CRACD: variants seen among roughly 807,000 people sequenced by gnomAD.
CRACD encodes capping protein inhibiting regulator of actin dynamics, also known as capping protein-inhibiting regulator of actin dynamics.
A neutral mutation model predicts 106.8 loss-of-function variants in CRACD; 56 were observed. The observed-to-expected ratio is 0.52, with a 90% CI of 0.42 to 0.66. The LOEUF is 0.66. Ranked by LOEUF, CRACD falls within the 30% of genes least tolerant of loss-of-function variation. CRACD has a pLI of 0.00. For missense variants in CRACD, 1,730 were observed against 1,623.2 expected, an observed-to-expected ratio of 1.07 and a Z score of -1.13; for synonymous variants, 754 against 670.8, an observed-to-expected ratio of 1.12 and a Z score of -1.92.
At chr4:56,182,861 A>ATGTGTGTGTGTGTGTGTGTGTGTGTG (rs763638808) in intron 2 of CRACD, among the ~76,000 whole-genome samples, 5 of 101,892 alleles carry the variant, frequency 4.9e-5, no homozygotes, top group African/African-American at 1.8e-4. Context: ...GAAAAAAAAG[A>ATGTGTGTGTGTGTGTGTGTGTGTGTG]TATGTGTGTG....
At chr4:56,213,480 T>C (rs1473104441) in intron 2 of CRACD, among the ~76,000 whole-genome samples, 1 of 152,066 alleles carries the variant, frequency 6.6e-6, no homozygotes, top group Admixed American at 6.5e-5. Flanking sequence ...AAGAGTTTAA[T>C]TGAGCAAAGA....
At chr4:56,059,014 CT>C (rs942508342) in intron 1 of CRACD, among the ~76,000 whole-genome samples, 6 of 151,432 alleles carry the variant, frequency 4.0e-5, no homozygotes, top group African/African-American at 7.3e-5. Context: ...TATCATTTTT[CT>C]TTTTTTTTGT....
chr4:56,203,079 A>G (rs1326754425), intron 2 of CRACD, among the ~76,000 whole-genome samples: 6 of 152,268 alleles, frequency 3.9e-5, no homozygotes, highest in Non-Finnish European at 7.3e-5. Flanking sequence ...TAGGACAGAA[A>G]TGCTGCAAGG....
chr4:56,294,228 A>AG (rs1196595741), intron 3 of CRACD, among the ~76,000 whole-genome samples: 10 of 152,036 alleles, frequency 6.6e-5, no homozygotes. Context: ...GTCTTAAAAA[A>AG]AAAAAAAAGA....
At chr4:56,123,667 T>C (rs929484695) in intron 1 of CRACD, among the ~76,000 whole-genome samples, 1 of 152,124 alleles carries the variant, frequency 6.6e-6, no homozygotes, top group East Asian at 1.9e-4. Flanking sequence ...TCAAACAATT[T>C]GCCCCAAATT....
chr4:56,176,419 T>G (rs997113224), intron 1 of CRACD, among the ~76,000 whole-genome samples: 6 of 146,328 alleles, frequency 4.1e-5, no homozygotes, highest in African/African-American at 1.5e-4. Context: ...GCATGGAATA[T>G]CCTTCCAATT....
chr4:56,227,259 T>C (rs944402420), intron 2 of CRACD, among the ~76,000 whole-genome samples: 1 of 152,226 alleles, frequency 6.6e-6, no homozygotes, highest in African/African-American at 2.4e-5. Flanking sequence ...GAACTCATTT[T>C]CTTTTTCTGC....
At chr4:56,286,080 G>C (rs1323905601) in intron 3 of CRACD, among the ~76,000 whole-genome samples, 1 of 152,042 alleles carries the variant, frequency 6.6e-6, no homozygotes, top group African/African-American at 2.4e-5. Flanking sequence ...TTCTGAGCTG[G>C]CAAATTAACT....
At position 56,218,450 on chromosome 4, in the gene CRACD, C is replaced by G. The variant is rs114249110; in HGVS notation, c.-189+39020C>G. On this transcript the variant is annotated intron_variant, in intron 2 of 10. Coordinates refer to ENST00000682029, the MANE Select transcript of CRACD (RefSeq NM_001393381.1). ...CCCTTCCCCTCCCTTTCCATCCCCTCCCTTTCCTTCCCCTGCCTTTCCTTC... is the reference window on the plus strand; with the variant it reads ...CCCTTCCCCTCCCTTTCCATCCCCTGCCTTTCCTTCCCCTGCCTTTCCTTC... Among the ~76,000 whole-genome samples, 218 of 99,402 alleles carry G rather than the reference C, an allele frequency of 2.2e-3. 1 individual carries two copies. The highest frequency in any genetic ancestry group is 4.9e-3 in the African/African-American group (149 of 30,260). 65.2% of individuals were successfully genotyped at this position (99,402 alleles called of 152,430 possible). A position where few individuals can be genotyped will look rare whatever the true frequency, so the allele number is the denominator to read the frequency against.
At chr4:56,251,893 T>C (rs1315709111) in intron 2 of CRACD, among the ~76,000 whole-genome samples, 1 of 152,260 alleles carries the variant, frequency 6.6e-6, no homozygotes, top group Non-Finnish European at 1.5e-5. Context: ...TGGCCATTTT[T>C]CTTGATCAGT....
intron 3 of CRACD, among the ~76,000 whole-genome samples, chr4:56,273,863 A>G (rs557264990): frequency 6.6e-6 from 1 of 152,356 alleles, no homozygotes; most frequent in East Asian, 1.9e-4. Flanking sequence ...ATGGTATCAT[A>G]TGTGATATTC....
intron 1 of CRACD, among the ~76,000 whole-genome samples, chr4:56,088,090 A>G (rs1733290221): frequency 6.6e-6 from 1 of 151,380 alleles, no homozygotes; most frequent in Non-Finnish European, 1.5e-5. Context: ...CAGTGTGACT[A>G]ATGACTCTAT....
At chr4:56,300,054 C>G (rs1350710893) in intron 4 of CRACD, among the ~76,000 whole-genome samples, 8 of 152,096 alleles carry the variant, frequency 5.3e-5, no homozygotes, top group Admixed American at 2.6e-4. Context: ...AGGAGAATCA[C>G]TTGAACCCGG....
chr4:56,303,124 C>G (rs1744465128), intron 4 of CRACD, among the ~76,000 whole-genome samples: 1 of 152,120 alleles, frequency 6.6e-6, no homozygotes. Context: ...GTGGGTGGAT[C>G]ACTTGAGGCC....
At position 56,274,269 on chromosome 4, in the gene CRACD, T is replaced by C. The variant is rs1270825264; in HGVS notation, c.-17+1777T>C. The stretch of plus-strand genomic sequence containing the variant: ...AATTGTAAAATAAGAGCGTGAACTT[T>C]TTGGCCTCACGGTATCAGGATGAGG... On this transcript the variant is annotated intron_variant, in intron 3 of 10. Coordinates refer to ENST00000682029, the MANE Select transcript of CRACD (RefSeq NM_001393381.1). 3.3e-5 allele frequency among the ~76,000 whole-genome samples: 5 copies of C among 152,334 alleles called. No individual in the cohort carries two copies. In the East Asian group the frequency reaches 9.6e-4, roughly 29 times the overall value.
intron 2 of CRACD, among the ~76,000 whole-genome samples, chr4:56,214,286 C>T (rs1196167755): frequency 6.6e-6 from 1 of 152,092 alleles, no homozygotes; most frequent in Non-Finnish European, 1.5e-5. Flanking sequence ...CAAACCTGCA[C>T]ATGTATTTTT....
intron 2 of CRACD, among the ~76,000 whole-genome samples, chr4:56,207,716 T>G (rs748992391): frequency 2.7e-5 from 4 of 148,050 alleles, no homozygotes; most frequent in Non-Finnish European, 5.9e-5. Flanking sequence ...AGAAGTCTTT[T>G]GTTGATACAT....
chr4:56,320,037 G>C (rs948327102), intron 8 of CRACD, among the ~76,000 whole-genome samples: 1 of 151,958 alleles, frequency 6.6e-6, no homozygotes, highest in Non-Finnish European at 1.5e-5. Flanking sequence ...GCCAGGTGTG[G>C]TGGTGGGCAC....
chr4:56,206,095 A>G lies in CRACD; in HGVS notation c.-189+26665A>G, dbSNP rs144949684. ...TGGAAGCATCCTTTTCCTCTTCCAT[A>G]TTGCTTTGTTCCTGATAAAATAACC... On this transcript the variant is annotated intron_variant, in intron 2 of 10. Coordinates refer to ENST00000682029, the MANE Select transcript of CRACD (RefSeq NM_001393381.1). Among the ~76,000 whole-genome samples, 121 of 152,148 alleles carry G rather than the reference A, an allele frequency of 8.0e-4. 2 individuals carry two copies. Among genetic ancestry groups the G allele is most frequent in the African/African-American group, 2.8e-3 (116 of 41,550 alleles).
Sources: allele counts gnomAD v4.1 joint callset (sites outside exome capture counted in the v4.1 genomes callset), GRCh38; gene constraint gnomAD v4.1.1; transcripts MANE v1.5; gene names NCBI Gene and HGNC (gene_info 2026-07-23, HGNC 2026-07-21).